Variants in TAFA2 observed in about 807,000 individuals in gnomAD.
The protein encoded by TAFA2 is chemokine-like protein TAFA-2.
In TAFA2, 7 loss-of-function variants were observed where a neutral mutation model predicts 18.8. The observed-to-expected ratio is 0.37, with a 90% CI of 0.21 to 0.70. The LOEUF (loss-of-function observed/expected upper bound fraction) is 0.70. TAFA2 is among the 30% of genes least tolerant of loss of function. The pLI, the probability that TAFA2 is intolerant of heterozygous loss-of-function variation, is 0.53. For missense variants in TAFA2, 122 were observed against 158.1 expected (o/e 0.77, Z 1.23); for synonymous variants, 60 against 54.2 (o/e 1.11, Z -0.47).
At chr12:61,767,087 A>G (rs1869822261) in intron 2 of TAFA2, among the ~76,000 whole-genome samples, 1 of 152,130 alleles carries the variant, frequency 6.6e-6, no homozygotes, top group Non-Finnish European at 1.5e-5. Flanking sequence ...GTAAAGAAAA[A>G]AGTGACATCA....
chr12:61,805,165 T>C (rs1406276595), intron 2 of TAFA2, among the ~76,000 whole-genome samples: 3 of 151,910 alleles, frequency 2.0e-5, no homozygotes, highest in Non-Finnish European at 1.5e-5. Flanking sequence ...ATAATCAAAT[T>C]TTTTAGGATT....
intron 2 of TAFA2, among the ~76,000 whole-genome samples, chr12:61,841,921 A>G (rs938856546): frequency 7.2e-5 from 11 of 152,084 alleles, no homozygotes; most frequent in African/African-American, 2.7e-4. Flanking sequence ...GTGTATTCAA[A>G]TTGGTCAAGA....
chr12:61,979,914 T>G (rs1438055164), intron 1 of TAFA2, among the ~76,000 whole-genome samples: 8 of 152,034 alleles, frequency 5.3e-5, no homozygotes, highest in Non-Finnish European at 1.2e-4. Context: ...TTAACCACCC[T>G]CTTTGTCCCT....
chr12:61,883,301 C>G (rs547437717), intron 1 of TAFA2, among the ~76,000 whole-genome samples: 14 of 152,084 alleles, frequency 9.2e-5, no homozygotes, highest in Non-Finnish European at 8.8e-5. Flanking sequence ...GGCACTTAGC[C>G]TGAAACCACA....
chr12:61,933,195 C>T (rs943459890), intron 1 of TAFA2, among the ~76,000 whole-genome samples: 2 of 152,080 alleles, frequency 1.3e-5, no homozygotes, highest in African/African-American at 4.8e-5. Context: ...TCTGAACCTC[C>T]ATAGTATCAA....
intron 1 of TAFA2, among the ~76,000 whole-genome samples, chr12:62,084,773 A>G (rs1868385235): frequency 6.6e-6 from 1 of 152,170 alleles, no homozygotes; most frequent in Non-Finnish European, 1.5e-5. Context: ...AAATTTTTTG[A>G]GAGTGATATG....
chr12:61,899,660 A>C (rs1462386120), intron 1 of TAFA2, among the ~76,000 whole-genome samples: 3 of 152,210 alleles, frequency 2.0e-5, no homozygotes, highest in Non-Finnish European at 4.4e-5. Flanking sequence ...TATGGGAATT[A>C]TAATTCAAGA....
At chr12:61,865,285 TG>T (rs996130325) in intron 2 of TAFA2, among the ~76,000 whole-genome samples, 8 of 152,220 alleles carry the variant, frequency 5.3e-5, no homozygotes, top group African/African-American at 1.9e-4. Context: ...CTTTCTTGGA[TG>T]GTGAGCACAC....
At chr12:62,254,186 T>C (rs1484261946) in intron 1 of TAFA2, among the ~76,000 whole-genome samples, 2 of 152,192 alleles carry the variant, frequency 1.3e-5, no homozygotes, top group Admixed American at 6.5e-5. Flanking sequence ...AAAATCAAAT[T>C]TAGTAGCTGC....
At chr12:62,126,466 G>T (rs1870464496) in intron 1 of TAFA2, among the ~76,000 whole-genome samples, 1 of 152,054 alleles carries the variant, frequency 6.6e-6, no homozygotes, top group Non-Finnish European at 1.5e-5. Context: ...AGGGCAGAAG[G>T]CAGGTTTGTT....
chr12:62,141,519 T>C (rs11174344), intron 1 of TAFA2, among the ~76,000 whole-genome samples: 8,478 of 152,276 alleles, frequency 0.056, 326 homozygotes, highest in South Asian at 0.1. Context: ...TTGCTATTCA[T>C]GCCATTCAAA....
At chr12:62,122,269 T>C (rs1009770798) in intron 1 of TAFA2, among the ~76,000 whole-genome samples, 1 of 152,208 alleles carries the variant, frequency 6.6e-6, no homozygotes, top group Non-Finnish European at 1.5e-5. Flanking sequence ...TGAATCCGCC[T>C]GTGAGATCAG....
At chr12:61,922,668 G>A (rs941512679) in intron 1 of TAFA2, among the ~76,000 whole-genome samples, 25 of 152,220 alleles carry the variant, frequency 1.6e-4, no homozygotes, top group Non-Finnish European at 2.5e-4. Context: ...AAAACAGGGC[G>A]ACCATTTGGG....
At chr12:62,022,218 A>C (rs1377339171) in intron 1 of TAFA2, 6 of 295,910 alleles carry the variant, frequency 2.0e-5, no homozygotes, top group Non-Finnish European at 4.1e-5. Flanking sequence ...TTTAGAGACC[A>C]AGCGATGAAG....
intron 1 of TAFA2, among the ~76,000 whole-genome samples, chr12:62,181,139 G>A (rs1920084): frequency 0.054 from 8,217 of 151,960 alleles, 271 homozygotes; most frequent in African/African-American, 0.084. Flanking sequence ...AGAAAAACTG[G>A]TGCCCCCCGC....
At chr12:62,174,409 G>A (rs115205421) in intron 1 of TAFA2, among the ~76,000 whole-genome samples, 95 of 152,242 alleles carry the variant, frequency 6.2e-4, no homozygotes, top group African/African-American at 2.2e-3. Flanking sequence ...GGCTGAGGAA[G>A]AGGAGCCAGC....
At chr12:62,006,947 TATCTC>T (rs1317505585) in intron 1 of TAFA2, among the ~76,000 whole-genome samples, 8 of 152,230 alleles carry the variant, frequency 5.3e-5, no homozygotes, top group African/African-American at 1.9e-4. Context: ...TAATATTTCT[TATCTC>T]ATAAGACTAA....
chr12:62,121,916 T>A (rs1247282490), intron 1 of TAFA2, among the ~76,000 whole-genome samples: 4 of 152,226 alleles, frequency 2.6e-5, no homozygotes, highest in African/African-American at 4.8e-5. Flanking sequence ...GTCACCTTTG[T>A]ATTTTACTGA....
intron 1 of TAFA2, among the ~76,000 whole-genome samples, chr12:62,256,250 C>T (rs1414311471): frequency 1.3e-5 from 2 of 151,214 alleles, no homozygotes; most frequent in Non-Finnish European, 2.9e-5. Flanking sequence ...GCCTGGGCAA[C>T]AGAGTGAGAC....
Sources: gnomAD v4.1 joint callset for allele counts (sites outside exome capture counted in the v4.1 genomes callset) on GRCh38, gnomAD v4.1.1 for gene constraint, MANE v1.5 for transcripts, NCBI Gene and HGNC (gene_info 2026-07-23, HGNC 2026-07-21) for gene names.